Variants in NUDT3 observed in about 807,000 individuals in gnomAD.
NUDT3 encodes diphosphoinositol polyphosphate phosphohydrolase 1.
Under a neutral mutation model 23.6 loss-of-function variants are expected in NUDT3, and 9 were observed. The ratio of observed to expected loss-of-function variants is 0.38; its 90% CI spans 0.23 to 0.66. NUDT3 has a LOEUF of 0.66. NUDT3 is among the 30% of genes least tolerant of loss of function. NUDT3 has a pLI of 0.52. For missense variants in NUDT3, 172 were observed against 218.5 expected (o/e 0.79, Z 1.34); for synonymous variants, 86 against 82.6 (o/e 1.04, Z -0.22).
chr6:34,380,137 G>C (rs1296965568), intron 1 of NUDT3, among the ~76,000 whole-genome samples: 1 of 152,030 alleles, frequency 6.6e-6, no homozygotes, highest in African/African-American at 2.4e-5. Flanking sequence ...AGACTGGAGT[G>C]CAACAGCGCG....
Position 34,280,497 on chromosome 6 carries a change from C to A in NUDT3, c.*8256G>T, listed in dbSNP as rs1763268192. The A allele has an allele frequency of 1.3e-5, 2 of 151,732 alleles. No homozygotes were observed. The highest frequency in any genetic ancestry group is 2.4e-5 in the African/African-American group (1 of 41,328). The allele number at this position is 151,732 out of a possible 1,614,324, so 9.4% of individuals were successfully genotyped here. A position where few individuals can be genotyped will look rare whatever the true frequency, so the allele number is the denominator to read the frequency against. ...GTGCCAAGAGGTTTAAGGACCACAA[C>A]TGACCTCTCTTTCCCTACAAGCACC... On this transcript the variant is annotated 3_prime_UTR_variant, in exon 5 of 5. Transcript: ENST00000607016.
chr6:34,320,812 G>A (rs536310646), intron 2 of NUDT3, among the ~76,000 whole-genome samples: 4 of 152,086 alleles, frequency 2.6e-5, no homozygotes, highest in South Asian at 4.1e-4. Context: ...TTCGAGCTTG[G>A]ACAAAGTGAG....
chr6:34,310,296 G>A (rs566147234), intron 2 of NUDT3, among the ~76,000 whole-genome samples: 8 of 152,056 alleles, frequency 5.3e-5, no homozygotes, highest in East Asian at 3.9e-4. Context: ...TTGGGAGGCC[G>A]AGGCAGGAGG....
At chr6:34,321,393 G>A (rs916610757) in intron 2 of NUDT3, among the ~76,000 whole-genome samples, 65 of 151,814 alleles carry the variant, frequency 4.3e-4, no homozygotes, top group African/African-American at 1.4e-3. Flanking sequence ...AGCCGAGATC[G>A]TACCACTGCA....
chr6:34,323,021 T>C (rs1349777294), intron 2 of NUDT3, among the ~76,000 whole-genome samples: 7 of 152,214 alleles, frequency 4.6e-5, no homozygotes, highest in Non-Finnish European at 1.0e-4. Context: ...ATACTGCATG[T>C]TCTCACTTAT....
intron 1 of NUDT3, among the ~76,000 whole-genome samples, chr6:34,371,663 T>C (rs1171829058): frequency 6.6e-6 from 1 of 152,208 alleles, no homozygotes; most frequent in African/African-American, 2.4e-5. Context: ...CTAATTCTTA[T>C]TAATGAGCAC....
chr6:34,345,590 G>A (rs1039881990), intron 1 of NUDT3, among the ~76,000 whole-genome samples: 5 of 148,876 alleles, frequency 3.4e-5, no homozygotes, highest in African/African-American at 9.9e-5. Context: ...GTGAACCCGG[G>A]AGGTGGAGCT....
At chr6:34,377,415 CA>C (rs1764942009) in intron 1 of NUDT3, among the ~76,000 whole-genome samples, 1 of 152,090 alleles carries the variant, frequency 6.6e-6, no homozygotes, top group South Asian at 2.1e-4. Context: ...GTACTGTTTT[CA>C]TAAACTTGGA....
chr6:34,312,504 T>A (rs1763789478), intron 2 of NUDT3, among the ~76,000 whole-genome samples: 1 of 152,042 alleles, frequency 6.6e-6, no homozygotes, highest in South Asian at 2.1e-4. Context: ...CTGGAAAGAA[T>A]GCAAAATGAT....
intron 1 of NUDT3, among the ~76,000 whole-genome samples, chr6:34,361,720 A>G (rs1010864193): frequency 5.3e-5 from 8 of 152,244 alleles, no homozygotes; most frequent in African/African-American, 1.9e-4. Context: ...AAAGACATAG[A>G]GGAAACTTTA....
intron 1 of NUDT3, among the ~76,000 whole-genome samples, chr6:34,368,661 C>CA (rs1764777233): frequency 1.3e-5 from 2 of 152,024 alleles, no homozygotes; most frequent in Non-Finnish European, 2.9e-5. Context: ...GTTTTTGAGA[C>CA]AGAGTCTCAC....
In NUDT3 at chr6:34,392,309, C is replaced by T; in HGVS notation, c.54G>A (p.Lys18=). Residue 18 remains lysine, a synonymous_variant, in exon 1 of 5, where the codon AAG becomes AAA. Coordinates refer to ENST00000607016, the MANE Select transcript of NUDT3 (RefSeq NM_006703.4). Reference sequence around the variant, plus strand: ...GGAAACACAGGCATGCGGCCCGCTTCTTGTAGCCGTCGCCGTCGTAGGTGC... The same window carrying T: ...GGAAACACAGGCATGCGGCCCGCTTTTTGTAGCCGTCGCCGTCGTAGGTGC... ...QTRTYDGDGY[K]KRAACLCFRS... is the part of the protein sequence containing the mutation. The T allele has an allele frequency of 4.4e-6, 7 of 1,606,536 alleles. No homozygotes were observed. The highest frequency in any genetic ancestry group is 1.4e-5 in the African/African-American group (1 of 73,910).
At chr6:34,327,040 T>C (rs1355573090) in intron 2 of NUDT3, among the ~76,000 whole-genome samples, 1 of 150,742 alleles carries the variant, frequency 6.6e-6, no homozygotes, top group Non-Finnish European at 1.5e-5. Context: ...AGACCGGTAG[T>C]GGCCCTGAAT....
At chr6:34,333,393 T>C (rs1417415293) in intron 2 of NUDT3, among the ~76,000 whole-genome samples, 3 of 152,186 alleles carry the variant, frequency 2.0e-5, no homozygotes, top group Non-Finnish European at 4.4e-5. Flanking sequence ...CATGTTTATA[T>C]AAAAACTTTT....
At chr6:34,364,357 ATTATAAAACTCCC>A (rs1228744076) in intron 1 of NUDT3, among the ~76,000 whole-genome samples, 1 of 152,216 alleles carries the variant, frequency 6.6e-6, no homozygotes, top group African/African-American at 2.4e-5. Context: ...GTTCTCTAGC[ATTATAAAACTCCC>A]TTATTTCCAA....
intron 1 of NUDT3, among the ~76,000 whole-genome samples, chr6:34,386,072 G>GT (rs1310571325): frequency 6.6e-6 from 1 of 152,206 alleles, no homozygotes; most frequent in East Asian, 1.9e-4. Flanking sequence ...AGGAATAGAG[G>GT]TAACTAATTG....
intron 2 of NUDT3, among the ~76,000 whole-genome samples, chr6:34,327,120 G>A (rs2113722943): frequency 6.6e-6 from 1 of 152,184 alleles, no homozygotes; most frequent in South Asian, 2.1e-4. Context: ...TCATCCAAAT[G>A]ATTGATAAGG....
At chr6:34,312,497 G>C (rs576652452) in intron 2 of NUDT3, among the ~76,000 whole-genome samples, 1 of 152,140 alleles carries the variant, frequency 6.6e-6, no homozygotes, top group African/African-American at 2.4e-5. Flanking sequence ...TTGCTCTCTG[G>C]AAAGAATGCA....
intron 1 of NUDT3, among the ~76,000 whole-genome samples, chr6:34,343,613 T>A (rs1182254948): frequency 6.6e-6 from 1 of 151,512 alleles, no homozygotes; most frequent in Non-Finnish European, 1.5e-5. Flanking sequence ...ACAACCTAAA[T>A]GTAAGAGCTA....
Sources: gnomAD v4.1 joint callset for allele counts (sites outside exome capture counted in the v4.1 genomes callset) on GRCh38, gnomAD v4.1.1 for gene constraint, MANE v1.5 for transcripts, NCBI Gene and HGNC (gene_info 2026-07-23, HGNC 2026-07-21) for gene names.